Variants in TMEM156 observed in about 807,000 individuals in gnomAD.
TMEM156 encodes transmembrane protein 156.
TMEM156 carries 28 observed loss-of-function variants against 30.5 expected under a neutral mutation model. That is an observed-to-expected ratio of 0.92 (90% CI 0.68 to 1.26). The LOEUF is 1.26. Ranked by LOEUF, TMEM156 falls within the 50% of genes most tolerant of loss-of-function variation. TMEM156 has a pLI of 0.00. For synonymous variants in TMEM156, 137 were observed against 119.9 expected, an observed-to-expected ratio of 1.14 and a Z score of -0.93; for missense variants, 351 against 340.6, an observed-to-expected ratio of 1.03 and a Z score of -0.24.
At chr4:38,984,508 T>A (rs1295821947) in intron 5 of TMEM156, among the ~76,000 whole-genome samples, 2 of 152,090 alleles carry the variant, frequency 1.3e-5, no homozygotes, top group African/African-American at 2.4e-5. Context: ...AACTACATTT[T>A]TTTTTTCTAC....
rs373948581 is a variant in TMEM156, at chr4:38,986,305, T to G, written c.823+31A>C. The G allele has an allele frequency of 6.6e-6, 10 of 1,510,978 alleles. No individual in the cohort carries two copies. In the African/African-American group the frequency reaches 1.4e-4, roughly 21 times the overall value. 93.6% of individuals were successfully genotyped at this position (1,510,978 alleles called of 1,614,324 possible). ...CCATGCAGCTTTGGAATTTCCTGAG[T>G]GCTGTTTTGTTTACATGCCACAGAA... On this transcript the variant is annotated intron_variant, in intron 5 of 6. Transcript: ENST00000381938.
At chr4:39,010,271 T>C (rs879189433) in intron 1 of TMEM156, among the ~76,000 whole-genome samples, 1 of 152,172 alleles carries the variant, frequency 6.6e-6, no homozygotes, top group African/African-American at 2.4e-5. Context: ...TAAAAAAGCA[T>C]TTCATGCTCA....
chr4:38,977,915 T>G (rs1722951141), intron 5 of TMEM156, among the ~76,000 whole-genome samples: 1 of 152,222 alleles, frequency 6.6e-6, no homozygotes, highest in Non-Finnish European at 1.5e-5. Flanking sequence ...CCTCGGATGC[T>G]TCTTCTTTTT....
intron 1 of TMEM156, 92 bp downstream of exon 1, chr4:39,032,134 G>A (rs1715560640): frequency 1.3e-6 from 1 of 760,528 alleles, no homozygotes; most frequent in African/African-American, 1.8e-5. Context: ...TATGCAGCAT[G>A]TGTCCAAAAA....
chr4:38,973,553 C>T (rs1245880227), intron 5 of TMEM156, among the ~76,000 whole-genome samples: 1 of 151,838 alleles, frequency 6.6e-6, no homozygotes, highest in African/African-American at 2.4e-5. Flanking sequence ...GTACCCTGTC[C>T]CTTACTAAAT....
At chr4:38,988,566 C>T (rs995245347) in intron 4 of TMEM156, among the ~76,000 whole-genome samples, 2 of 152,178 alleles carry the variant, frequency 1.3e-5, no homozygotes, top group African/African-American at 4.8e-5. Context: ...GTTCTTCTCT[C>T]TCTCTCTGCC....
chr4:38,971,156 T>A lies in TMEM156; in HGVS notation c.824-19A>T, dbSNP rs1231099560. On this transcript the variant is annotated intron_variant, in intron 5 of 6. Coordinates refer to ENST00000381938, the MANE Select transcript of TMEM156 (RefSeq NM_024943.3). ...GTCTCTGCTATTTAAGAAGGAGAAC[T>A]GTTTTAGTCTATATGTAGTAAATAG... is the stretch of plus-strand genomic sequence containing the variant. 6.2e-7 allele frequency: 1 copy of A among 1,611,932 alleles called. No homozygotes were observed. Among genetic ancestry groups the A allele is most frequent in the African/African-American group, 1.3e-5 (1 of 74,876 alleles).
rs888910779 is a variant in TMEM156 at position 39,012,722 on chromosome 4, T to C, written c.89-13813A>G. ...TGGGAGGCTGAGGCGGGCAGATCAC[T>C]TGAGGTCAGGAGTTTGAGACCAGCC... is the stretch of plus-strand genomic sequence containing the variant. On this transcript the variant is annotated intron_variant, in intron 1 of 6. Transcript: ENST00000381938. Among the ~76,000 whole-genome samples the C allele has an allele frequency of 4.6e-5, 7 of 151,628 alleles. 1 individual carries two copies. The highest frequency in any genetic ancestry group is 1.7e-4 in the African/African-American group (7 of 41,270).
At chr4:38,983,518 C>T (rs1044759926) in intron 5 of TMEM156, among the ~76,000 whole-genome samples, 6 of 152,210 alleles carry the variant, frequency 3.9e-5, no homozygotes, top group Non-Finnish European at 5.9e-5. Flanking sequence ...CCCACCTCAT[C>T]CTCCTGAGTA....
At chr4:38,995,708 C>T (rs1055135861) in intron 2 of TMEM156, among the ~76,000 whole-genome samples, 10 of 152,124 alleles carry the variant, frequency 6.6e-5, no homozygotes, top group African/African-American at 2.4e-4. Flanking sequence ...AGAAAGACTC[C>T]ATCTCAAAAA....
intron 2 of TMEM156, among the ~76,000 whole-genome samples, chr4:38,997,765 C>T (rs1355740635): frequency 6.6e-6 from 1 of 152,156 alleles, no homozygotes; most frequent in South Asian, 2.1e-4. Context: ...AGCAGTTATT[C>T]TTTATTTATT....
At chr4:38,980,380 AAAGGCTTTTGT>A (rs1252793043) in intron 5 of TMEM156, among the ~76,000 whole-genome samples, 2 of 152,192 alleles carry the variant, frequency 1.3e-5, no homozygotes, top group African/African-American at 2.4e-5. Context: ...AAAGTATTTG[AAAGGCTTTTGT>A]AAGACAGCAG....
chr4:38,984,982 G>A (rs373472022), intron 5 of TMEM156, among the ~76,000 whole-genome samples: 29 of 137,064 alleles, frequency 2.1e-4, no homozygotes, highest in African/African-American at 6.2e-4. Context: ...TGATTCCCTC[G>A]ACTATATGGG....
intron 3 of TMEM156, among the ~76,000 whole-genome samples, chr4:38,989,328 A>C (rs964046441): frequency 2.0e-5 from 3 of 152,184 alleles, no homozygotes; most frequent in Admixed American, 6.5e-5. Context: ...CATAATTTTG[A>C]CCCTGGGCCA....
intron 4 of TMEM156, among the ~76,000 whole-genome samples, chr4:38,988,127 G>A (rs13129566): frequency 0.047 from 7,141 of 152,044 alleles, 188 homozygotes; most frequent in Admixed American, 0.08. Context: ...ATTTCCTTTA[G>A]CTCAGCCCTG....
intron 1 of TMEM156, among the ~76,000 whole-genome samples, chr4:39,001,214 C>CAAAAAAAAAA (rs34945666): frequency 1.5e-4 from 17 of 115,020 alleles, no homozygotes; most frequent in Non-Finnish European, 2.1e-4. Context: ...ACTAAAAATA[C>CAAAAAAAAAA]AAAAAAAAAA....
chr4:39,021,451 G>A (rs1309987003), intron 1 of TMEM156, among the ~76,000 whole-genome samples: 15 of 151,664 alleles, frequency 9.9e-5, no homozygotes, highest in Admixed American at 9.2e-4. Context: ...AAAGAAAAAA[G>A]TAAAAAAGAA....
At chr4:39,020,562 A>T (rs1055591068) in intron 1 of TMEM156, among the ~76,000 whole-genome samples, 2 of 150,724 alleles carry the variant, frequency 1.3e-5, no homozygotes, top group African/African-American at 2.4e-5. Flanking sequence ...AATTTTTTTT[A>T]TTTTTTTTGA....
intron 5 of TMEM156, among the ~76,000 whole-genome samples, chr4:38,981,221 T>C (rs1157714095): frequency 2.0e-5 from 3 of 152,238 alleles, no homozygotes; most frequent in East Asian, 1.9e-4. Flanking sequence ...GTATTTATTA[T>C]AGCGGCCATA....
Sources: allele counts gnomAD v4.1 joint callset (sites outside exome capture counted in the v4.1 genomes callset), GRCh38; gene constraint gnomAD v4.1.1; transcripts MANE v1.5; gene names NCBI Gene and HGNC (gene_info 2026-07-23, HGNC 2026-07-21).